The following ADAP1 variants were observed in gnomAD, a reference collection of about 807,000 sequenced individuals.
ADAP1 encodes the protein arf-GAP with dual PH domain-containing protein 1.
Under a neutral mutation model 54.9 loss-of-function variants are expected in ADAP1, and 31 were observed. The ratio of observed to expected loss-of-function variants is 0.56; its 90% CI spans 0.42 to 0.76. ADAP1 has a LOEUF of 0.76. Ranked by LOEUF, ADAP1 falls within the 30% of genes least tolerant of loss-of-function variation. ADAP1 has a pLI of 0.00. For missense variants in ADAP1, 535 were observed against 512.4 expected, an observed-to-expected ratio of 1.04 and a Z score of -0.42; for synonymous variants, 313 against 202.6, an observed-to-expected ratio of 1.55 and a Z score of -4.63.
At chr7:903,213 T>A (rs73252058) in intron 6 of ADAP1, among the ~76,000 whole-genome samples, 16,962 of 152,100 alleles carry the variant, frequency 0.11, 1,014 homozygotes, top group Middle Eastern at 0.19. Context: ...GATCACAGCG[T>A]GCTCTGAGGC....
At chr7:905,918 GA>G (rs1384980228) in intron 4 of ADAP1, among the ~76,000 whole-genome samples, 10 of 614 alleles carry the variant, frequency 0.016, 2 homozygotes, top group Admixed American at 0.067. Flanking sequence ...AGGGAAAGGA[GA>G]AAGGGAGAAA....
At chr7:927,158 C>T in intron 2 of ADAP1, 1 of 1,302,674 alleles carries the variant, frequency 7.7e-7, no homozygotes, top group South Asian at 1.2e-5. Flanking sequence ...GGGGACTCTG[C>T]AGGGACACAC....
chr7:953,537 G>T (rs36015262), intron 1 of ADAP1, among the ~76,000 whole-genome samples: 21,403 of 152,258 alleles, frequency 0.14, 1,718 homozygotes, highest in South Asian at 0.2. Context: ...GTTCCGAGGG[G>T]CTTAGACTAT....
intron 8 of ADAP1, 145 bp from the exon 9 acceptor site, chr7:899,635 C>T: frequency 1.1e-6 from 1 of 884,644 alleles, no homozygotes; most frequent in Non-Finnish European, 1.7e-6. Context: ...GGCCACGCCC[C>T]ACGAGGCCTC....
chr7:901,226 C>T (rs1476348642), intron 6 of ADAP1: 1 of 358,264 alleles, frequency 2.8e-6, no homozygotes, highest in Non-Finnish European at 5.5e-6. Flanking sequence ...CGTCGGGTGC[C>T]CTCTGGGTCT....
Position 899,413 on chromosome 7 carries a change from C to T in ADAP1, c.867+6G>A, listed in dbSNP as rs1245249410. On this transcript the variant is annotated splice_donor_region_variant and intron_variant, in intron 9 of 10. Transcript: ENST00000265846. ...CTCCCGTGCTGGGGCCACAGCTCCT[C>T]CTTACCAGGGGGTCTTTGAAGTACA... 1.2e-6 allele frequency: 2 copies of T among 1,612,864 alleles called. No individual in the cohort carries two copies. The highest frequency in any genetic ancestry group is 2.2e-5 in the East Asian group (1 of 44,880).
intron 3 of ADAP1, among the ~76,000 whole-genome samples, chr7:921,799 G>A (rs1388817078): frequency 6.6e-6 from 1 of 152,216 alleles, no homozygotes; most frequent in Non-Finnish European, 1.5e-5. Context: ...CGGGAGGACC[G>A]AAGGCCGCAT....
rs1338235350 is a variant in ADAP1 at position 937,184 on chromosome 7, GGGATTTGGGGGTCACGCCCGA to G, written c.83-1700_83-1680del. Among the ~76,000 whole-genome samples, 21 of 81,712 alleles carry G rather than the reference GGGATTTGGGGGTCACGCCCGA, an allele frequency of 2.6e-4. 5 individuals carry two copies. The highest frequency in any genetic ancestry group is 6.6e-4 in the Admixed American group (6 of 9,146). 53.6% of individuals were successfully genotyped at this position (81,712 alleles called of 152,430 possible). On this transcript the variant is annotated intron_variant, in intron 1 of 10. Transcript: ENST00000265846. ...GATTTGGGGGTCACGCCCGACCTCTGGGATTTGGGGGTCACGCCCGACCTCTGGGATTTGGGGGTCACGCCC... is the reference window on the plus strand; with the variant it reads ...GATTTGGGGGTCACGCCCGACCTCTGCCTCTGGGATTTGGGGGTCACGCCC...
In ADAP1 at chr7:946,184, A is replaced by C. The variant is rs1302747423; in HGVS notation, c.82+8212T>G. Reference sequence around the variant, plus strand: ...ACGCCGGGACCCAGGCCCCTCTCCAACTCCACCTCCGTGTTTTCCGCATAT... The same window carrying C: ...ACGCCGGGACCCAGGCCCCTCTCCACCTCCACCTCCGTGTTTTCCGCATAT... On this transcript the variant is annotated intron_variant, in intron 1 of 10. Coordinates refer to ENST00000265846, the MANE Select transcript of ADAP1 (RefSeq NM_006869.4). The surrounding 1 kb of genome is among the most constrained non-coding windows in gnomAD (Gnocchi z 4.3). Among the ~76,000 whole-genome samples, 20 of 151,208 alleles carry C rather than the reference A, an allele frequency of 1.3e-4. No individual in the cohort carries two copies.
In ADAP1 at chr7:926,519, G is replaced by C. The variant is rs1846394394; in HGVS notation, c.305+34C>G. ...GCCATCTCGGAGCCACCCAGCACTT[G>C]ACCATGGCCCTGACAAGGCCCCTTT... On this transcript the variant is annotated intron_variant, in intron 3 of 10. Coordinates refer to ENST00000265846, the MANE Select transcript of ADAP1 (RefSeq NM_006869.4). The surrounding 1 kb of genome is among the most constrained non-coding windows in gnomAD (Gnocchi z 4.6). The C allele has an allele frequency of 2.0e-6, 3 of 1,499,638 alleles. No homozygotes were observed. Among genetic ancestry groups the C allele is most frequent in the African/African-American group, 1.5e-5 (1 of 68,796 alleles). 92.9% of individuals were successfully genotyped at this position (1,499,638 alleles called of 1,614,324 possible).
At chr7:952,519 G>A (rs1189102137) in intron 1 of ADAP1, among the ~76,000 whole-genome samples, 4 of 152,144 alleles carry the variant, frequency 2.6e-5, no homozygotes, top group African/African-American at 9.7e-5. Context: ...GAAGCATAGA[G>A]CCCTCGAGGA....
At chr7:899,288 G>T (rs117135055) in intron 9 of ADAP1, 27 bp from the exon 10 acceptor site, 10 of 1,611,144 alleles carry the variant, frequency 6.2e-6, no homozygotes, top group Middle Eastern at 1.7e-4. Flanking sequence ...CACTGGAGGC[G>T]GGGCCATGTC....
intron 4 of ADAP1, among the ~76,000 whole-genome samples, chr7:912,570 A>G (rs1274194160): frequency 6.6e-6 from 1 of 152,192 alleles, no homozygotes; most frequent in African/African-American, 2.4e-5. Flanking sequence ...ACGCACCGAC[A>G]CCAAGGGCTT....
chr7:942,017 G>A (rs899357880), intron 1 of ADAP1, among the ~76,000 whole-genome samples: 1 of 152,166 alleles, frequency 6.6e-6, no homozygotes, highest in African/African-American at 2.4e-5. Flanking sequence ...ACTAATTATC[G>A]GCAAAGATAT....
At chr7:954,366 C>G in intron 1 of ADAP1, 30 bp downstream of exon 1, 3 of 1,053,034 alleles carry the variant, frequency 2.8e-6, no homozygotes, top group Non-Finnish European at 3.4e-6. Flanking sequence ...CGGACCCACC[C>G]GGCCCCGCGC....
intron 3 of ADAP1, among the ~76,000 whole-genome samples, chr7:925,802 G>T (rs1404176994): frequency 6.6e-6 from 1 of 152,238 alleles, no homozygotes; most frequent in Non-Finnish European, 1.5e-5. Flanking sequence ...TATCTCTGCG[G>T]GGTGGGCCCT....
chr7:951,277 G>A (rs1005600791), intron 1 of ADAP1, among the ~76,000 whole-genome samples: 3 of 151,926 alleles, frequency 2.0e-5, no homozygotes, highest in African/African-American at 7.3e-5. Flanking sequence ...GGAGGCTGAG[G>A]CAGGAGAATG....
At position 900,660 on chromosome 7, in the gene ADAP1, GCGCTGGGGTCCC is replaced by G. The variant is rs751759551; in HGVS notation, c.649-56_649-45del. 2.9e-6 allele frequency: 4 copies of G among 1,395,034 alleles called. No homozygotes were observed. In the African/African-American group the frequency reaches 4.4e-5, roughly 15 times the overall value. 86.4% of individuals were successfully genotyped at this position (1,395,034 alleles called of 1,614,324 possible). A position where few individuals can be genotyped will look rare whatever the true frequency, so the allele number is the denominator to read the frequency against. ...ACAGGCTTGGGCTGAGGAGGCTGCA[GCGCTGGGGTCCC>G]CACAGAGGGGCTGGGGTCCCCACAG... On this transcript the variant is annotated intron_variant, in intron 6 of 10. Coordinates refer to ENST00000265846, the MANE Select transcript of ADAP1 (RefSeq NM_006869.4).
At chr7:899,311 G>T in intron 9 of ADAP1, 50 bp from the exon 10 acceptor site, 1 of 1,607,702 alleles carries the variant, frequency 6.2e-7, no homozygotes, top group South Asian at 1.1e-5. Flanking sequence ...TTCCAGCCCC[G>T]CTTCACTCAG....
Sources: gnomAD v4.1 joint callset for allele counts (sites outside exome capture counted in the v4.1 genomes callset) on GRCh38, gnomAD v4.1.1 for gene constraint, Gnocchi (gnomAD v3.1) non-coding constraint, MANE v1.5 for transcripts, NCBI Gene and HGNC (gene_info 2026-07-23, HGNC 2026-07-21) for gene names.